Variants in GRID1 observed in about 807,000 individuals in gnomAD.
GRID1 encodes glutamate ionotropic receptor delta type subunit 1.
GRID1 carries 28 observed loss-of-function variants against 98.0 expected under a neutral mutation model. The observed-to-expected ratio is 0.29, with a 90% CI of 0.21 to 0.39. The LOEUF is 0.39. GRID1 is among the 10% of genes least tolerant of loss of function. The pLI, the probability that GRID1 is intolerant of heterozygous loss-of-function variation, is 1.00. For synonymous variants in GRID1, 553 were observed against 538.5 expected (o/e 1.03, Z -0.37); for missense variants, 1,111 against 1,340.5 (o/e 0.83, Z 2.67).
At chr10:85,719,292 A>G (rs1471566696) in intron 12 of GRID1, among the ~76,000 whole-genome samples, 1 of 151,924 alleles carries the variant, frequency 6.6e-6, no homozygotes, top group Admixed American at 6.6e-5. Flanking sequence ...AACTGTTCCA[A>G]CCTCTGCCTG....
intron 2 of GRID1, among the ~76,000 whole-genome samples, chr10:86,356,553 G>T (rs1252104298): frequency 6.6e-6 from 1 of 152,210 alleles, no homozygotes; most frequent in African/African-American, 2.4e-5. Flanking sequence ...CTTTCCCTCT[G>T]GCACAGCAAC....
At chr10:85,677,672 G>T (rs1339259416) in intron 12 of GRID1, among the ~76,000 whole-genome samples, 1 of 152,210 alleles carries the variant, frequency 6.6e-6, no homozygotes, top group Non-Finnish European at 1.5e-5. Context: ...TTCTGGAATT[G>T]TAGTTAGATG....
At chr10:85,841,743 C>G (rs1842963105) in intron 8 of GRID1, among the ~76,000 whole-genome samples, 1 of 152,064 alleles carries the variant, frequency 6.6e-6, no homozygotes, top group Non-Finnish European at 1.5e-5. Context: ...CATCACTGAT[C>G]ATTAAAGAAA....
At chr10:85,638,081 A>T (rs2132542781) in intron 13 of GRID1, among the ~76,000 whole-genome samples, 1 of 151,952 alleles carries the variant, frequency 6.6e-6, no homozygotes, top group African/African-American at 2.4e-5. Context: ...TTTTAACATT[A>T]AGAAGCTAGA....
At chr10:86,083,962 C>G (rs141128058) in intron 4 of GRID1, among the ~76,000 whole-genome samples, 1 of 152,196 alleles carries the variant, frequency 6.6e-6, no homozygotes. Flanking sequence ...AGGGAAGGGG[C>G]GAGGCTTCTT....
chr10:86,254,530 C>T (rs779636609), intron 2 of GRID1, among the ~76,000 whole-genome samples: 15 of 152,230 alleles, frequency 9.9e-5, no homozygotes, highest in Non-Finnish European at 1.9e-4. Context: ...ACCGTAGCTG[C>T]TCCTTAGAAT....
intron 5 of GRID1, among the ~76,000 whole-genome samples, chr10:85,888,214 C>T (rs531694362): frequency 1.3e-5 from 2 of 152,338 alleles, no homozygotes; most frequent in Middle Eastern, 3.4e-3. Context: ...CTCTGCCTGC[C>T]CTCATACTCT....
chr10:86,224,133 G>A (rs904527807), intron 2 of GRID1, among the ~76,000 whole-genome samples: 2 of 152,140 alleles, frequency 1.3e-5, no homozygotes, highest in Non-Finnish European at 2.9e-5. Context: ...CCAACCTCTT[G>A]AACTCCCGGA....
intron 3 of GRID1, among the ~76,000 whole-genome samples, chr10:86,154,160 C>T (rs948003360): frequency 3.9e-5 from 6 of 152,178 alleles, no homozygotes; most frequent in Non-Finnish European, 7.3e-5. Context: ...CAGACCAACA[C>T]TGTCCCCTCT....
chr10:85,748,805 A>C (rs780018301), intron 8 of GRID1, among the ~76,000 whole-genome samples: 17 of 152,184 alleles, frequency 1.1e-4, no homozygotes, highest in Non-Finnish European at 2.1e-4. Context: ...ACTCAGAGTC[A>C]AAAATTTCAA....
chr10:85,987,749 C>G (rs1842630552), intron 4 of GRID1, among the ~76,000 whole-genome samples: 1 of 151,754 alleles, frequency 6.6e-6, no homozygotes, highest in Non-Finnish European at 1.5e-5. Context: ...CCCACATTCT[C>G]ACCTTTTGCC....
chr10:86,042,544 G>A (rs1013534003), intron 4 of GRID1, among the ~76,000 whole-genome samples: 13 of 152,264 alleles, frequency 8.5e-5, no homozygotes, highest in African/African-American at 3.1e-4. Context: ...GAAGCTTCTG[G>A]AGCATGGGGG....
At chr10:85,823,369 C>CA (rs967941129) in intron 8 of GRID1, among the ~76,000 whole-genome samples, 5 of 150,730 alleles carry the variant, frequency 3.3e-5, no homozygotes, top group African/African-American at 7.3e-5. Context: ...TTTTAAATTA[C>CA]AAAAAAGAGA....
At chr10:85,783,023 C>A (rs1842394533) in intron 8 of GRID1, among the ~76,000 whole-genome samples, 1 of 152,174 alleles carries the variant, frequency 6.6e-6, no homozygotes, top group Non-Finnish European at 1.5e-5. Flanking sequence ...ACAGCTGGGC[C>A]TCATTTTTCT....
At chr10:85,984,324 A>G (rs537596221) in intron 4 of GRID1, among the ~76,000 whole-genome samples, 1 of 152,342 alleles carries the variant, frequency 6.6e-6, no homozygotes, top group South Asian at 2.1e-4. Flanking sequence ...CTCTCTCCAG[A>G]TTAAGCCCAA....
intron 4 of GRID1, among the ~76,000 whole-genome samples, chr10:85,923,758 C>T (rs746303277): frequency 2.0e-5 from 3 of 152,132 alleles, no homozygotes; most frequent in South Asian, 2.1e-4. Context: ...CAAGAAAAGA[C>T]GAAACTCAAT....
intron 12 of GRID1, among the ~76,000 whole-genome samples, chr10:85,690,581 A>G (rs571585232): frequency 1.3e-5 from 2 of 152,314 alleles, no homozygotes; most frequent in East Asian, 3.9e-4. Flanking sequence ...CCAGTCTAAA[A>G]AGTCTATCAA....
intron 12 of GRID1, chr10:85,709,151 TC>T: frequency 3.0e-6 from 1 of 332,220 alleles, no homozygotes; most frequent in Non-Finnish European, 6.1e-6. Context: ...TGCAGAGCAT[TC>T]TTGGAAAAGG....
At chr10:86,116,969 C>A (rs1589376954) in intron 4 of GRID1, among the ~76,000 whole-genome samples, 1 of 152,050 alleles carries the variant, frequency 6.6e-6, no homozygotes, top group South Asian at 2.1e-4. Context: ...CAATCACTAT[C>A]ACCATCACAA....
Sources: allele counts gnomAD v4.1 joint callset (sites outside exome capture counted in the v4.1 genomes callset), GRCh38; gene constraint gnomAD v4.1.1; transcripts MANE v1.5; gene names NCBI Gene and HGNC (gene_info 2026-07-23, HGNC 2026-07-21).